Variants in MDH1 observed in about 807,000 individuals in gnomAD.
The protein encoded by MDH1 is malate dehydrogenase 1, also known as malate dehydrogenase, cytoplasmic.
A neutral mutation model predicts 38.7 loss-of-function variants in MDH1; 15 were observed. That is an observed-to-expected ratio of 0.39 (90% CI 0.26 to 0.60). MDH1 has a LOEUF of 0.60. Among genes scored for constraint, MDH1 ranks in the 20% least tolerant of loss-of-function variants. MDH1 has a pLI of 0.56. For synonymous variants in MDH1, 144 were observed against 143.6 expected, an observed-to-expected ratio of 1.00 and a Z score of -0.02; for missense variants, 368 against 405.2, an observed-to-expected ratio of 0.91 and a Z score of 0.79.
chr2:63,604,852 C>T lies in MDH1; in HGVS notation c.655C>T (p.Leu219Phe). ...VYEALKDDSWLKGEFVTTVQQ... is the reference protein window; with the variant it reads ...VYEALKDDSWFKGEFVTTVQQ... Reference sequence around the variant, plus strand: ...TGAAGCTCTGAAAGATGACAGCTGGCTCAAGGGAGAATTTGTCACGGTAAG... The same window carrying T: ...TGAAGCTCTGAAAGATGACAGCTGGTTCAAGGGAGAATTTGTCACGGTAAG... The change falls in exon 6 of 9, where the codon CTC becomes TTC. Residue 219 changes from leucine to phenylalanine, a missense_variant. Coordinates refer to ENST00000233114, the MANE Select transcript of MDH1 (RefSeq NM_005917.4). The T allele has an allele frequency of 6.2e-7, 1 of 1,614,112 alleles. No individual in the cohort carries two copies. The highest frequency in any genetic ancestry group is 8.5e-7 in the Non-Finnish European group (1 of 1,180,008).
chr2:63,604,485 G>C (rs1709489654), intron 5 of MDH1, among the ~76,000 whole-genome samples: 1 of 152,146 alleles, frequency 6.6e-6, no homozygotes, highest in Non-Finnish European at 1.5e-5. Flanking sequence ...TACTCCATAA[G>C]GTTTCAAGTC....
chr2:63,589,417 C>T (rs1558856028), intron 1 of MDH1: 2 of 1,539,596 alleles, frequency 1.3e-6, no homozygotes, highest in Non-Finnish European at 8.8e-7. Flanking sequence ...TGGGTCCTAA[C>T]CCCTTTTTCT....
chr2:63,599,297 G>A lies in MDH1; in HGVS notation c.498+5G>A. 6.2e-7 allele frequency: 1 copy of A among 1,606,036 alleles called. No individual in the cohort carries two copies. Among genetic ancestry groups the A allele is most frequent in the Non-Finnish European group, 8.5e-7 (1 of 1,176,380 alleles). On this transcript the variant is annotated splice_donor_5th_base_variant and intron_variant, in intron 5 of 8. Transcript: ENST00000233114. ...CACAACCGAGCTAAAGCTCAAGTAAGAAAAATATATTTTAAATCTTGTGGT... is the reference window on the plus strand; with the variant it reads ...CACAACCGAGCTAAAGCTCAAGTAAAAAAAATATATTTTAAATCTTGTGGT...
intron 1 of MDH1, chr2:63,589,484 A>T: frequency 1.7e-6 from 2 of 1,197,690 alleles, no homozygotes; most frequent in Non-Finnish European, 2.4e-6. Flanking sequence ...TGAAAGCAAA[A>T]AGCTGGAAAG....
chr2:63,606,964 T>A lies in MDH1; in HGVS notation c.982T>A (p.Phe328Ile), dbSNP rs1709545032. ...ACTGACAGAAGAAAAAGAAAGTGCT[T>A]TTGAATTTCTTTCCTCTGCCTGACT... is the stretch of plus-strand genomic sequence containing the variant. ...KELTEEKESA[F>I]EFLSSA The change falls in exon 9 of 9, where the codon TTT becomes ATT. Residue 328 changes from phenylalanine to isoleucine, a missense_variant. Physicochemically the swap from Phe to Ile is conservative, Grantham distance 21. Transcript: ENST00000233114. 2 of 1,612,292 alleles carry A rather than the reference T, an allele frequency of 1.2e-6. No individual in the cohort carries two copies. Among genetic ancestry groups the A allele is most frequent in the Non-Finnish European group, 1.7e-6 (2 of 1,179,214 alleles).
intron 5 of MDH1, among the ~76,000 whole-genome samples, chr2:63,603,712 C>T (rs916836812): frequency 2.2e-5 from 3 of 138,138 alleles, no homozygotes; most frequent in Non-Finnish European, 4.5e-5. Flanking sequence ...TGCTGGAGTG[C>T]AGTGGTGCGA....
At chr2:63,589,180 ATCT>A (rs958972234) in intron 1 of MDH1, 134 bp downstream of exon 1, 4 of 1,607,478 alleles carry the variant, frequency 2.5e-6, no homozygotes, top group African/African-American at 1.3e-5. Context: ...GCTCGGACTC[ATCT>A]TCTGGGGATT....
At chr2:63,600,157 G>A (rs1161963279) in intron 5 of MDH1, 1 of 152,224 alleles carries the variant, frequency 6.6e-6, no homozygotes, top group African/African-American at 2.4e-5. Context: ...CTAAGCTGAA[G>A]CACTACTGCC....
In MDH1 at chr2:63,605,307, A is replaced by C; in HGVS notation, c.703A>C (p.Ile235Leu). Residue 235 changes from isoleucine to leucine, a missense_variant, in exon 7 of 9, where the codon ATC (isoleucine) becomes CTC (leucine). Coordinates refer to ENST00000233114, the MANE Select transcript of MDH1 (RefSeq NM_005917.4). ...TGTGCAGCAGCGTGGCGCTGCTGTC[A>C]TCAAGGCTCGAAAACTATCCAGTGC... is the stretch of plus-strand genomic sequence containing the variant. ...TTVQQRGAAV[I>L]KARKLSSAMS... 1.2e-6 allele frequency: 2 copies of C among 1,614,126 alleles called. No homozygotes were observed. Among genetic ancestry groups the C allele is most frequent in the Non-Finnish European group, 1.7e-6 (2 of 1,179,964 alleles).
chr2:63,589,380 A>G, intron 1 of MDH1: 2 of 1,550,572 alleles, frequency 1.3e-6, no homozygotes, highest in Non-Finnish European at 1.7e-6. Context: ...GATAAGGACG[A>G]TAAGGTTTGC....
At chr2:63,599,024 C>A in intron 4 of MDH1, 146 bp from the exon 5 acceptor site, 2 of 523,270 alleles carry the variant, frequency 3.8e-6, no homozygotes, top group African/African-American at 2.0e-5. Flanking sequence ...ACTTAAAATG[C>A]ATTTTCCTAT....
intron 5 of MDH1, among the ~76,000 whole-genome samples, chr2:63,604,116 T>C (rs565164230): frequency 6.6e-6 from 1 of 152,374 alleles, no homozygotes; most frequent in South Asian, 2.1e-4. Flanking sequence ...CACATACACA[T>C]ATATAAAACC....
chr2:63,602,999 G>A (rs1175746264), intron 5 of MDH1, among the ~76,000 whole-genome samples: 7 of 144,308 alleles, frequency 4.9e-5, no homozygotes, highest in East Asian at 3.9e-4. Context: ...TCGCCCTGTC[G>A]CCTAGGCTGG....
rs372470451 is a variant in MDH1, at chr2:63,607,031, A to C, written c.*44A>C. ...AAATGCTTCAAAGCTGAAGAATCTA[A>C]ATGTCGTCTTTGACTCAAGTACCAA... On this transcript the variant is annotated 3_prime_UTR_variant, in exon 9 of 9. Transcript: ENST00000233114. The C allele has an allele frequency of 8.9e-6, 14 of 1,568,772 alleles. No individual in the cohort carries two copies. In the African/African-American group the frequency reaches 1.9e-4, roughly 22 times the overall value.
At chr2:63,599,523 T>C (rs1409538554) in intron 5 of MDH1, 1 of 319,438 alleles carries the variant, frequency 3.1e-6, no homozygotes, top group Non-Finnish European at 5.8e-6. Flanking sequence ...TCTTTAACTA[T>C]ATTTCAATTG....
intron 4 of MDH1, chr2:63,598,056 CT>C (rs892276201): frequency 2.6e-5 from 4 of 152,134 alleles, no homozygotes; most frequent in African/African-American, 9.7e-5. Flanking sequence ...ATAGTTCTCT[CT>C]TTGTGTTCAA....
chr2:63,594,778 G>C, intron 2 of MDH1, 192 bp downstream of exon 2: 1 of 502,634 alleles, frequency 2.0e-6, no homozygotes, highest in Non-Finnish European at 3.6e-6. Flanking sequence ...AAAACACTTT[G>C]CAAATGAGAA....
Position 63,606,995 on chromosome 2 carries a change from AT to A in MDH1, c.*9del. The A allele has an allele frequency of 6.2e-7, 1 of 1,607,672 alleles. No homozygotes were observed. The highest frequency in any genetic ancestry group is 8.5e-7 in the Non-Finnish European group (1 of 1,177,750). On this transcript the variant is annotated 3_prime_UTR_variant, in exon 9 of 9. Coordinates refer to ENST00000233114, the MANE Select transcript of MDH1 (RefSeq NM_005917.4). ...TTTCTTTCCTCTGCCTGACTAGACA[AT>A]GATGTTACTAAATGCTTCAAAGCTG...
chr2:63,589,204 C>A, intron 1 of MDH1, 158 bp downstream of exon 1: 1 of 1,587,636 alleles, frequency 6.3e-7, no homozygotes, highest in Non-Finnish European at 8.6e-7. Flanking sequence ...GCCGCAGTGA[C>A]CCAGTAATGG....
Sources: allele counts gnomAD v4.1 joint callset (sites outside exome capture counted in the v4.1 genomes callset), GRCh38; gene constraint gnomAD v4.1.1; transcripts MANE v1.5; gene names NCBI Gene and HGNC (gene_info 2026-07-23, HGNC 2026-07-21).